Variants in CYP3A4 observed in about 807,000 individuals in gnomAD.
The protein encoded by CYP3A4 is cytochrome P450 family 3 subfamily A member 4, also known as cytochrome P450 3A4.
A neutral mutation model predicts 54.9 loss-of-function variants in CYP3A4; 41 were observed. That is an observed-to-expected ratio of 0.75 (90% CI 0.58 to 0.97). The LOEUF (loss-of-function observed/expected upper bound fraction) is 0.97. CYP3A4 is among the 50% of genes least tolerant of loss of function. The pLI is 0.00. For missense variants in CYP3A4, 510 were observed against 597.3 expected, an observed-to-expected ratio of 0.85 and a Z score of 1.52; for synonymous variants, 179 against 205.2, an observed-to-expected ratio of 0.87 and a Z score of 1.09.
chr7:99,772,758 A>G, intron 3 of CYP3A4, 69 bp from the exon 4 acceptor site: 1 of 1,531,672 alleles, frequency 6.5e-7, no homozygotes, highest in Non-Finnish European at 9.0e-7. Context: ...CAACCCAGGA[A>G]GCCAGACTTT....
chr7:99,760,748 T>C, intron 12 of CYP3A4, 71 bp downstream of exon 12: 1 of 1,554,626 alleles, frequency 6.4e-7, no homozygotes. Flanking sequence ...GCATATTCTT[T>C]TTAAAAAATA....
Position 99,771,816 on chromosome 7 carries a change from C to T in CYP3A4, c.318+774G>A, listed in dbSNP as rs1243504038. ...TACGTGAGAGATGCAAAGAAGTATG[C>T]CCAGTTGATTTTTAACAATATACCC... On this transcript the variant is annotated intron_variant, in intron 4 of 12. Transcript: ENST00000651514. Among the ~76,000 whole-genome samples, 3 of 152,038 alleles carry T rather than the reference C, an allele frequency of 2.0e-5. No homozygotes were observed. The East Asian group carries it at 5.8e-4, about 29-fold the overall frequency.
chr7:99,764,278 A>C (rs1409270525), intron 9 of CYP3A4, among the ~76,000 whole-genome samples: 1 of 152,164 alleles, frequency 6.6e-6, no homozygotes, highest in Non-Finnish European at 1.5e-5. Context: ...CCACCTGCAC[A>C]GCTGTGTAAT....
intron 10 of CYP3A4, among the ~76,000 whole-genome samples, chr7:99,762,575 T>C (rs1225591001): frequency 1.3e-5 from 2 of 152,140 alleles, no homozygotes; most frequent in African/African-American, 4.8e-5. Flanking sequence ...CACACACATA[T>C]ATATGTGTAT....
rs762194827 is a variant in CYP3A4, at chr7:99,762,287, T to C, written c.1027-20A>G. The C allele has an allele frequency of 1.4e-5, 22 of 1,612,352 alleles. No homozygotes were observed. The highest frequency in any genetic ancestry group is 2.7e-5 in the African/African-American group (2 of 74,860). ...TGGTGCCTGGAAAGAACGAAACAGA[T>C]TTGGATAAATTGAGATTTTGAATTA... On this transcript the variant is annotated intron_variant, in intron 10 of 12. Transcript: ENST00000651514.
intron 4 of CYP3A4, among the ~76,000 whole-genome samples, chr7:99,771,991 G>GA (rs1482823747): frequency 6.6e-6 from 1 of 151,930 alleles, no homozygotes; most frequent in Non-Finnish European, 1.5e-5. Context: ...ATGACTTTTA[G>GA]AAAAAAACAG....
chr7:99,769,761 T>C lies in CYP3A4; in HGVS notation c.521+7A>G. 2 of 1,613,876 alleles carry C rather than the reference T, an allele frequency of 1.2e-6. No homozygotes were observed. Among genetic ancestry groups the C allele is most frequent in the East Asian group, 2.2e-5 (1 of 44,874 alleles). Reference sequence around the variant, plus strand: ...GCTCAGAACCCCATGGCTGCGCTTCTACTTACTCTTTCAAGGTGACAGGCT... The same window carrying C: ...GCTCAGAACCCCATGGCTGCGCTTCCACTTACTCTTTCAAGGTGACAGGCT... On this transcript the variant is annotated splice_region_variant and intron_variant, in intron 6 of 12. Transcript: ENST00000651514.
chr7:99,761,371 G>C (rs141108057), intron 11 of CYP3A4, among the ~76,000 whole-genome samples: 66 of 152,168 alleles, frequency 4.3e-4, no homozygotes, highest in African/African-American at 1.4e-3. Context: ...AAGGAGAAGG[G>C]GAAATTGTCT....
rs140355261 is a variant in CYP3A4, at chr7:99,784,064, G to A, written c.18C>T (p.Asp6=). The A allele has an allele frequency of 1.2e-6, 2 of 1,614,006 alleles. No homozygotes were observed. The highest frequency in any genetic ancestry group is 1.7e-6 in the Non-Finnish European group (2 of 1,179,884). Residue 6 remains aspartate (D), a synonymous_variant, in exon 1 of 13, where the codon GAC becomes GAT. Transcript: ENST00000651514. The stretch of plus-strand genomic sequence containing the variant: ...GGAGAAGCCAGGTTTCCATGGCCAA[G>A]TCTGGGATGAGAGCCATCACTACTT... MALIP[D]LAMETWLLLA... is the part of the protein sequence containing the mutation.
intron 12 of CYP3A4, among the ~76,000 whole-genome samples, chr7:99,760,180 G>C (rs1815283318): frequency 6.6e-6 from 1 of 152,162 alleles, no homozygotes; most frequent in African/African-American, 2.4e-5. Context: ...AAGGAGCCCA[G>C]CTGGATGGAG....
chr7:99,772,549 T>G, intron 4 of CYP3A4, 41 bp downstream of exon 4: 4 of 1,608,978 alleles, frequency 2.5e-6, no homozygotes, highest in Non-Finnish European at 2.5e-6. Context: ...AAATATAAAT[T>G]TAATCAATCA....
At position 99,757,881 on chromosome 7, in the gene CYP3A4, G is replaced by C. The variant is rs1584538151; in HGVS notation, c.*252C>G. ...GTGCTAACTGGGGGTGGTGGAAATA[G>C]TCCCGTGAGAAGCAGAGGAGCCAAA... is the stretch of plus-strand genomic sequence containing the variant. On this transcript the variant is annotated 3_prime_UTR_variant, in exon 13 of 13. Transcript: ENST00000651514. The C allele has an allele frequency of 2.4e-6, 1 of 418,954 alleles. No individual in the cohort carries two copies. Among genetic ancestry groups the C allele is most frequent in the East Asian group, 4.3e-5 (1 of 23,050 alleles). 26.0% of individuals were successfully genotyped at this position (418,954 alleles called of 1,614,324 possible). A position where few individuals can be genotyped will look rare whatever the true frequency, so the allele number is the denominator to read the frequency against.
rs1815403566 is a variant in CYP3A4, at chr7:99,763,802, A to G, written c.1026+53T>C. 8 of 1,607,428 alleles carry G rather than the reference A, an allele frequency of 5.0e-6. No homozygotes were observed. In the East Asian group the frequency reaches 1.8e-4, roughly 36 times the overall value. ...TTCTCCTGGGAAGTGGTGAGGAGGCATTTTTGCTAAGGTTTCACCTCCTCC... is the reference window on the plus strand; with the variant it reads ...TTCTCCTGGGAAGTGGTGAGGAGGCGTTTTTGCTAAGGTTTCACCTCCTCC... On this transcript the variant is annotated intron_variant, in intron 10 of 12. Coordinates refer to ENST00000651514, the MANE Select transcript of CYP3A4 (RefSeq NM_017460.6).
chr7:99,772,772 C>A, intron 3 of CYP3A4, 83 bp from the exon 4 acceptor site: 1 of 1,387,494 alleles, frequency 7.2e-7, no homozygotes, highest in African/African-American at 1.4e-5. Flanking sequence ...AGACTTTGAT[C>A]CTGACTTTAC....
chr7:99,780,633 T>C (rs958849082), intron 1 of CYP3A4, among the ~76,000 whole-genome samples: 1 of 152,204 alleles, frequency 6.6e-6, no homozygotes, highest in African/African-American at 2.4e-5. Context: ...GACCCTGTTT[T>C]AGGATCTGGT....
At chr7:99,774,530 G>A (rs1210417201) in intron 3 of CYP3A4, among the ~76,000 whole-genome samples, 1 of 152,074 alleles carries the variant, frequency 6.6e-6, no homozygotes, top group Admixed American at 6.6e-5. Flanking sequence ...TGCAAGGCTG[G>A]GTTCAAAATA....
chr7:99,770,998 A>C (rs1815621478), intron 4 of CYP3A4, among the ~76,000 whole-genome samples: 1 of 152,198 alleles, frequency 6.6e-6, no homozygotes, highest in South Asian at 2.1e-4. Flanking sequence ...TCTACAAAAA[A>C]ACAGCCCACT....
intron 2 of CYP3A4, among the ~76,000 whole-genome samples, chr7:99,779,541 G>A (rs1315441667): frequency 6.6e-6 from 1 of 152,060 alleles, no homozygotes; most frequent in Non-Finnish European, 1.5e-5. Context: ...TTTCAAAGCT[G>A]TCCAGAAGGA....
intron 9 of CYP3A4, among the ~76,000 whole-genome samples, chr7:99,765,992 G>T (rs879891606): frequency 2.0e-5 from 3 of 151,720 alleles, no homozygotes; most frequent in African/African-American, 7.3e-5. Flanking sequence ...ACTTTTAATT[G>T]CATTTTTTTG....
Sources: allele counts gnomAD v4.1 joint callset (sites outside exome capture counted in the v4.1 genomes callset), GRCh38; gene constraint gnomAD v4.1.1; transcripts MANE v1.5; gene names NCBI Gene and HGNC (gene_info 2026-07-23, HGNC 2026-07-21).